SCAI: variants seen among roughly 807,000 people sequenced by gnomAD.
The protein encoded by SCAI is protein SCAI.
In SCAI, 24 loss-of-function variants were observed where a neutral mutation model predicts 92.2. The ratio of observed to expected loss-of-function variants is 0.26; its 90% CI spans 0.19 to 0.37. SCAI has a LOEUF of 0.37. Among genes scored for constraint, SCAI ranks in the 10% least tolerant of loss-of-function variants. SCAI has a pLI of 1.00. For synonymous variants in SCAI, 261 were observed against 258.6 expected (o/e 1.01, Z -0.09); for missense variants, 450 against 736.2 (o/e 0.61, Z 4.50).
chr9:125,098,043 A>G (rs1834598616), intron 2 of SCAI, among the ~76,000 whole-genome samples: 1 of 151,546 alleles, frequency 6.6e-6, no homozygotes, highest in South Asian at 2.1e-4. Context: ...ACACACATAT[A>G]TATATGTGTA....
intron 3 of SCAI, among the ~76,000 whole-genome samples, chr9:125,032,195 A>ATATATTTTTTT (rs1177865840): frequency 4.1e-4 from 41 of 99,438 alleles, no homozygotes; most frequent in African/African-American, 1.7e-3. Flanking sequence ...ATATATATAT[A>ATATATTTTTTT]TTTTTTTTTT....
intron 2 of SCAI, among the ~76,000 whole-genome samples, chr9:125,115,629 A>G (rs1835030715): frequency 6.6e-6 from 1 of 152,208 alleles, no homozygotes. Context: ...GTATCATTTC[A>G]TGAATATAAA....
chr9:125,026,977 T>C, intron 5 of SCAI, 67 bp from the exon 6 acceptor site: 1 of 917,820 alleles, frequency 1.1e-6, no homozygotes. Context: ...AAATACTTGT[T>C]CTATATACCG....
intron 17 of SCAI, among the ~76,000 whole-genome samples, chr9:124,969,142 A>C (rs891239020): frequency 6.6e-5 from 10 of 152,014 alleles, no homozygotes; most frequent in African/African-American, 7.3e-5. Context: ...ATGAGGTCTC[A>C]CTATGTTACC....
At chr9:124,962,156 T>C (rs1289906448) in intron 17 of SCAI, among the ~76,000 whole-genome samples, 25 of 138,080 alleles carry the variant, frequency 1.8e-4, no homozygotes, top group Non-Finnish European at 3.3e-4. Flanking sequence ...ATGTCTTTTT[T>C]TTTTTTTTTT....
chr9:125,032,195 A>ATTTTTTTTTTTT (rs71374219), intron 3 of SCAI, among the ~76,000 whole-genome samples: 1 of 99,476 alleles, frequency 1.0e-5, no homozygotes, highest in African/African-American at 4.8e-5. Flanking sequence ...ATATATATAT[A>ATTTTTTTTTTTT]TTTTTTTTTT....
At chr9:125,046,767 C>T (rs1424722046) in intron 3 of SCAI, among the ~76,000 whole-genome samples, 2 of 151,166 alleles carry the variant, frequency 1.3e-5, no homozygotes, top group Non-Finnish European at 2.9e-5. Flanking sequence ...CCAGCTTCTA[C>T]CAGCAACTTT....
intron 13 of SCAI, among the ~76,000 whole-genome samples, chr9:124,997,416 G>A (rs1233385934): frequency 6.6e-6 from 1 of 152,070 alleles, no homozygotes; most frequent in Non-Finnish European, 1.5e-5. Context: ...TCCAAAACCC[G>A]AAACACTTTT....
At chr9:125,119,885 G>A (rs1768865544) in intron 2 of SCAI, among the ~76,000 whole-genome samples, 1 of 152,202 alleles carries the variant, frequency 6.6e-6, no homozygotes. Flanking sequence ...CTGAGAGTCA[G>A]GAGCTTCAGT....
chr9:124,991,351 CAAAAAAAAAAAAAAAA>C (rs34976572), intron 14 of SCAI, among the ~76,000 whole-genome samples: 2 of 40,230 alleles, frequency 5.0e-5, no homozygotes, highest in African/African-American at 2.7e-4. Flanking sequence ...AACTCCGTCT[CAAAAAAAAAAAAAAAA>C]AAAAAAAAAA....
chr9:124,997,188 C>T (rs887363608), intron 13 of SCAI, among the ~76,000 whole-genome samples: 1 of 152,140 alleles, frequency 6.6e-6, no homozygotes, highest in Non-Finnish European at 1.5e-5. Context: ...TCAGAGCCAA[C>T]ACGATGCCAC....
intron 2 of SCAI, among the ~76,000 whole-genome samples, chr9:125,064,837 C>G (rs1289789484): frequency 6.6e-6 from 1 of 152,098 alleles, no homozygotes; most frequent in African/African-American, 2.4e-5. Context: ...CAGAGTGGAA[C>G]TCCATCTCAA....
chr9:125,143,493 A>C lies in SCAI; in HGVS notation c.-56T>G. The C allele has an allele frequency of 2.3e-6, 3 of 1,303,630 alleles. No homozygotes were observed. The highest frequency in any genetic ancestry group is 2.9e-6 in the Non-Finnish European group (3 of 1,023,960). The allele number at this position is 1,303,630 out of a possible 1,614,324, so 80.8% of individuals were successfully genotyped here. A position where few individuals can be genotyped will look rare whatever the true frequency, so the allele number is the denominator to read the frequency against. On this transcript the variant is annotated 5_prime_UTR_variant, in exon 1 of 18. Coordinates refer to ENST00000336505, the MANE Select transcript of SCAI (RefSeq NM_001144877.3). ...CGGCGGCCGCAGGGCTCGCTCGGGA[A>C]GCTGAGGCGGCGGAGGCTGGAGTAG...
At chr9:125,072,788 T>A (rs575002226) in intron 2 of SCAI, among the ~76,000 whole-genome samples, 1 of 152,312 alleles carries the variant, frequency 6.6e-6, no homozygotes, top group Non-Finnish European at 1.5e-5. Flanking sequence ...CATATAGTAT[T>A]TGTCTTTTTG....
At chr9:125,050,651 C>T (rs1282517968) in intron 3 of SCAI, among the ~76,000 whole-genome samples, 2 of 152,016 alleles carry the variant, frequency 1.3e-5, no homozygotes, top group East Asian at 3.9e-4. Context: ...TAGCTCATTG[C>T]AGCTTCAAAC....
intron 9 of SCAI, among the ~76,000 whole-genome samples, chr9:125,006,932 A>G (rs1283453776): frequency 6.6e-6 from 1 of 152,088 alleles, no homozygotes; most frequent in East Asian, 1.9e-4. Context: ...GAGCCTGGCC[A>G]ACATGGTGAA....
chr9:124,979,821 G>T (rs1325205645), intron 14 of SCAI, among the ~76,000 whole-genome samples: 2 of 152,114 alleles, frequency 1.3e-5, no homozygotes, highest in Non-Finnish European at 2.9e-5. Context: ...AGGCCCAGGC[G>T]GGCGGATCAC....
intron 14 of SCAI, among the ~76,000 whole-genome samples, chr9:124,988,332 G>A (rs754332594): frequency 6.6e-6 from 1 of 151,820 alleles, no homozygotes; most frequent in Non-Finnish European, 1.5e-5. Flanking sequence ...AAACAAGCAG[G>A]GATTATGATA....
chr9:125,080,563 C>T (rs1189216273), intron 2 of SCAI, among the ~76,000 whole-genome samples: 1 of 152,142 alleles, frequency 6.6e-6, no homozygotes, highest in East Asian at 1.9e-4. Flanking sequence ...GTTATCAGAT[C>T]TACCTCTCAA....
Sources: gnomAD v4.1 joint callset for allele counts (sites outside exome capture counted in the v4.1 genomes callset) on GRCh38, gnomAD v4.1.1 for gene constraint, MANE v1.5 for transcripts, NCBI Gene and HGNC (gene_info 2026-07-23, HGNC 2026-07-21) for gene names.